CSMD1: variants seen among roughly 807,000 people sequenced by gnomAD.
The protein encoded by CSMD1 is CUB and Sushi multiple domains 1, also known as CUB and sushi domain-containing protein 1.
A neutral mutation model predicts 417.5 loss-of-function variants in CSMD1; 213 were observed. The ratio of observed to expected loss-of-function variants is 0.51; its 90% CI spans 0.46 to 0.57. The LOEUF (loss-of-function observed/expected upper bound fraction) is 0.57. Ranked by LOEUF, CSMD1 falls within the 20% of genes least tolerant of loss-of-function variation. The pLI, the probability that CSMD1 is intolerant of heterozygous loss-of-function variation, is 0.00. For missense variants in CSMD1, 6,923 were observed against 4,529.7 expected (o/e 1.53, Z -15.17); for synonymous variants, 2,862 against 1,736.8 (o/e 1.65, Z -16.11).
At chr8:2,991,017 T>C (rs1035887544) in intron 54 of CSMD1, among the ~76,000 whole-genome samples, 2 of 152,194 alleles carry the variant, frequency 1.3e-5, no homozygotes, top group Admixed American at 6.5e-5. Flanking sequence ...GCAATAGGAA[T>C]TGACTGCTGC....
At chr8:4,232,710 G>A (rs1189251918) in intron 3 of CSMD1, among the ~76,000 whole-genome samples, 2 of 152,166 alleles carry the variant, frequency 1.3e-5, no homozygotes, top group African/African-American at 2.4e-5. Flanking sequence ...AAAGTGTCAT[G>A]TCAAGCATGA....
intron 5 of CSMD1, among the ~76,000 whole-genome samples, chr8:3,896,732 G>A (rs891549537): frequency 1.6e-4 from 24 of 151,874 alleles, no homozygotes; most frequent in Admixed American, 9.2e-4. Flanking sequence ...GGATGGTCTC[G>A]ATCCTGAATA....
At chr8:4,204,961 A>G (rs1322404050) in intron 3 of CSMD1, among the ~76,000 whole-genome samples, 2 of 152,214 alleles carry the variant, frequency 1.3e-5, no homozygotes, top group Admixed American at 1.3e-4. Context: ...AATCTGGCCT[A>G]TAAAAATTGT....
At chr8:4,215,570 A>AT (rs1800618704) in intron 3 of CSMD1, among the ~76,000 whole-genome samples, 2 of 151,752 alleles carry the variant, frequency 1.3e-5, no homozygotes, top group South Asian at 2.1e-4. Flanking sequence ...TAGATCAGGC[A>AT]TTTTTTCCCT....
intron 2 of CSMD1, among the ~76,000 whole-genome samples, chr8:4,556,418 G>C (rs930620065): frequency 1.1e-4 from 16 of 152,106 alleles, no homozygotes; most frequent in Non-Finnish European, 2.1e-4. Flanking sequence ...TACACGGAGA[G>C]GCCAGGGTAC....
At chr8:3,452,729 T>C (rs886726870) in intron 12 of CSMD1, among the ~76,000 whole-genome samples, 20 of 152,336 alleles carry the variant, frequency 1.3e-4, no homozygotes, top group African/African-American at 3.8e-4. Flanking sequence ...CAGTATTTTA[T>C]TGAGGATTTT....
chr8:4,616,436 A>AAAAT (rs1415151510), intron 2 of CSMD1, among the ~76,000 whole-genome samples: 1 of 152,210 alleles, frequency 6.6e-6, no homozygotes, highest in Non-Finnish European at 1.5e-5. Flanking sequence ...CTGGCTATTT[A>AAAAT]GTCTGTAAGA....
At chr8:3,934,154 T>A (rs1049782907) in intron 5 of CSMD1, among the ~76,000 whole-genome samples, 2 of 152,198 alleles carry the variant, frequency 1.3e-5, no homozygotes, top group Non-Finnish European at 1.5e-5. Context: ...AGCTCATATT[T>A]TACAGAAATA....
intron 20 of CSMD1, among the ~76,000 whole-genome samples, chr8:3,364,375 T>C (rs1809409911): frequency 6.6e-6 from 1 of 152,226 alleles, no homozygotes; most frequent in Non-Finnish European, 1.5e-5. Context: ...CTGCAGGCTT[T>C]AGGTATTATT....
At chr8:3,585,199 A>G (rs1424571209) in intron 9 of CSMD1, among the ~76,000 whole-genome samples, 1 of 152,212 alleles carries the variant, frequency 6.6e-6, no homozygotes, top group Non-Finnish European at 1.5e-5. Flanking sequence ...AGAGGACGAT[A>G]GTGACGTGTT....
At chr8:4,513,020 G>C (rs1361619994) in intron 2 of CSMD1, among the ~76,000 whole-genome samples, 2 of 152,256 alleles carry the variant, frequency 1.3e-5, no homozygotes, top group South Asian at 2.1e-4. Flanking sequence ...TTAATAAGCA[G>C]AGCACAGATA....
At chr8:3,341,568 C>T (rs1807655020) in intron 23 of CSMD1, among the ~76,000 whole-genome samples, 1 of 152,092 alleles carries the variant, frequency 6.6e-6, no homozygotes, top group Non-Finnish European at 1.5e-5. Context: ...AAAAAGTGAG[C>T]TTAGTAACAT....
intron 1 of CSMD1, among the ~76,000 whole-genome samples, chr8:4,745,794 G>T (rs781246611): frequency 1.3e-5 from 2 of 152,062 alleles, no homozygotes; most frequent in Non-Finnish European, 2.9e-5. Context: ...TCTACCACAA[G>T]TACAGTGAGA....
intron 3 of CSMD1, among the ~76,000 whole-genome samples, chr8:4,141,288 A>C (rs1189937828): frequency 6.6e-6 from 1 of 151,192 alleles, no homozygotes; most frequent in Non-Finnish European, 1.5e-5. Context: ...GGTAGTGAAA[A>C]ATCCGTAATT....
chr8:3,275,584 G>T (rs1050044291), intron 26 of CSMD1, among the ~76,000 whole-genome samples: 4 of 152,106 alleles, frequency 2.6e-5, no homozygotes, highest in Admixed American at 6.5e-5. Context: ...CGTAGATTCA[G>T]TCTTTTCACA....
chr8:2,974,350 T>G (rs1804736082), intron 56 of CSMD1, 101 bp downstream of exon 56: 1 of 1,133,664 alleles, frequency 8.8e-7, no homozygotes, highest in Non-Finnish European at 1.2e-6. Context: ...TGCATAATTA[T>G]AGGGCTTTTC....
Position 4,787,393 on chromosome 8 carries a change from T to G in CSMD1, c.86-149835A>C, listed in dbSNP as rs547802996. 1.2e-5 allele frequency: 9 copies of G among 736,598 alleles called. No homozygotes were observed. The African/African-American group carries it at 1.6e-4, about 13-fold the overall frequency. The allele number at this position is 736,598 out of a possible 1,614,324, so 45.6% of individuals were successfully genotyped here. A position where few individuals can be genotyped will look rare whatever the true frequency, so the allele number is the denominator to read the frequency against. On this transcript the variant is annotated intron_variant, in intron 1 of 69. Coordinates refer to ENST00000635120, the MANE Select transcript of CSMD1 (RefSeq NM_033225.6). The stretch of plus-strand genomic sequence containing the variant: ...TTGTATGAGGGTAAAACAAAAGAAG[T>G]CTACGAAAAGTCCTCCTGCAGTCCA...
intron 23 of CSMD1, among the ~76,000 whole-genome samples, chr8:3,312,131 C>T (rs1156933230): frequency 6.6e-6 from 1 of 152,120 alleles, no homozygotes; most frequent in Non-Finnish European, 1.5e-5. Context: ...AAGATGTATC[C>T]ATTAAAATGT....
intron 5 of CSMD1, among the ~76,000 whole-genome samples, chr8:3,851,999 G>C (rs1181754402): frequency 6.6e-6 from 1 of 152,074 alleles, no homozygotes; most frequent in Non-Finnish European, 1.5e-5. Flanking sequence ...AGCATGGAGG[G>C]GCTGCAATCA....
Sources: allele counts gnomAD v4.1 joint callset (sites outside exome capture counted in the v4.1 genomes callset), GRCh38; gene constraint gnomAD v4.1.1; transcripts MANE v1.5; gene names NCBI Gene and HGNC (gene_info 2026-07-23, HGNC 2026-07-21).